CUBN: variants seen among roughly 807,000 people sequenced by gnomAD.
CUBN encodes the protein cubilin, also known as 460 kDa receptor.
In CUBN, 282 loss-of-function variants were observed where a neutral mutation model predicts 405.3. That is an observed-to-expected ratio of 0.70 (90% CI 0.63 to 0.77). The LOEUF (loss-of-function observed/expected upper bound fraction) is 0.77. CUBN is among the 30% of genes least tolerant of loss of function. The pLI is 0.00. For synonymous variants in CUBN, 1,684 were observed against 1,617.0 expected (o/e 1.04, Z -0.99); for missense variants, 4,514 against 4,475.2 (o/e 1.01, Z -0.25).
At chr10:17,087,472 C>CT (rs775573918) in intron 15 of CUBN, among the ~76,000 whole-genome samples, 1,969 of 71,620 alleles carry the variant, frequency 0.027, 95 homozygotes, top group Admixed American at 0.075. Flanking sequence ...TTTTCTTTTT[C>CT]TTTTTTTTTT....
intron 8 of CUBN, among the ~76,000 whole-genome samples, chr10:17,111,698 C>A (rs1181921596): frequency 1.3e-5 from 2 of 152,082 alleles, no homozygotes; most frequent in Admixed American, 6.5e-5. Context: ...CCGAGGTGGG[C>A]AGATCACCTG....
chr10:16,945,059 T>C (rs1457485209), intron 36 of CUBN, among the ~76,000 whole-genome samples: 1 of 152,182 alleles, frequency 6.6e-6, no homozygotes, highest in Non-Finnish European at 1.5e-5. Context: ...TGAATTTAAT[T>C]AAATAGCTTC....
chr10:17,023,936 A>T (rs1834579369), intron 27 of CUBN, among the ~76,000 whole-genome samples: 3 of 152,110 alleles, frequency 2.0e-5, no homozygotes, highest in Non-Finnish European at 2.9e-5. Flanking sequence ...TTATTCTCTT[A>T]AAGAGATTAT....
At chr10:17,105,613 T>G (rs1175565007) in intron 10 of CUBN, 38 bp from the exon 11 acceptor site, 1 of 1,128,918 alleles carries the variant, frequency 8.9e-7, no homozygotes, top group Non-Finnish European at 1.3e-6. Flanking sequence ...AATACAGGTC[T>G]CCTCCTCTGT....
At chr10:16,951,822 C>T (rs3847364) in intron 33 of CUBN, among the ~76,000 whole-genome samples, 63,552 of 152,010 alleles carry the variant, frequency 0.42, 13,564 homozygotes, top group South Asian at 0.5. Context: ...TGCATTCTGG[C>T]CCGTGAGTCA....
chr10:16,916,722 A>G (rs1325984044), intron 45 of CUBN, among the ~76,000 whole-genome samples: 3 of 152,126 alleles, frequency 2.0e-5, no homozygotes, highest in Non-Finnish European at 4.4e-5. Context: ...TATTGTGACC[A>G]TATTATAGTG....
chr10:16,841,397 T>G (rs1253116723), intron 60 of CUBN, among the ~76,000 whole-genome samples: 2 of 152,132 alleles, frequency 1.3e-5, no homozygotes, highest in South Asian at 4.1e-4. Context: ...CAGCCTCCCA[T>G]GAAGCCCCTG....
chr10:16,976,238 C>CA (rs1833089434), intron 31 of CUBN, among the ~76,000 whole-genome samples: 1 of 152,118 alleles, frequency 6.6e-6, no homozygotes, highest in South Asian at 2.1e-4. Flanking sequence ...TCCCAAAGTG[C>CA]TGAAATTACA....
At chr10:16,981,020 G>A (rs943217663) in intron 31 of CUBN, among the ~76,000 whole-genome samples, 1 of 152,034 alleles carries the variant, frequency 6.6e-6, no homozygotes, top group Non-Finnish European at 1.5e-5. Flanking sequence ...GAAAATGCTT[G>A]GTAGAAGAGG....
In CUBN at chr10:17,110,992, G is replaced by A. The variant is rs981250713; in HGVS notation, c.942C>T (p.Gly314=). ...EDINECEINN[G]GCSVAPPVEC... is the part of the protein sequence containing the mutation. ...CAACGGGTGGAGCCACAGAACAGCC[G>A]CCGTTATTTATCTCACATTCATTGA... Residue 314 remains glycine, a synonymous_variant, in exon 9 of 67, where the codon GGC becomes GGT. Transcript: ENST00000377833. 4.3e-6 allele frequency: 7 copies of A among 1,613,966 alleles called. No individual in the cohort carries two copies. In the Admixed American group the frequency reaches 5.0e-5, roughly 12 times the overall value.
At chr10:16,878,314 T>C (rs2131379738) in intron 56 of CUBN, among the ~76,000 whole-genome samples, 1 of 152,218 alleles carries the variant, frequency 6.6e-6, no homozygotes, top group South Asian at 2.1e-4. Flanking sequence ...TATATTATTA[T>C]GAAAGGAAAG....
chr10:17,105,367 T>A (rs1290676557), intron 11 of CUBN, 90 bp downstream of exon 11: 4 of 828,974 alleles, frequency 4.8e-6, no homozygotes, highest in African/African-American at 3.3e-5. Flanking sequence ...CTCATTATCT[T>A]GACATTCCTG....
At chr10:16,858,208 T>G (rs1839914246) in intron 59 of CUBN, among the ~76,000 whole-genome samples, 1 of 152,218 alleles carries the variant, frequency 6.6e-6, no homozygotes, top group Non-Finnish European at 1.5e-5. Flanking sequence ...AAACTCAACA[T>G]AGTAAAGACA....
At chr10:16,907,738 G>T in intron 48 of CUBN, 59 bp from the exon 49 acceptor site, 1 of 1,576,450 alleles carries the variant, frequency 6.3e-7, no homozygotes. Context: ...ATATTTCCTA[G>T]GAGGTGATAT....
chr10:16,897,123 T>C (rs1019397659), intron 54 of CUBN, among the ~76,000 whole-genome samples: 3 of 152,238 alleles, frequency 2.0e-5, no homozygotes, highest in Non-Finnish European at 4.4e-5. Context: ...CCTTGTCATA[T>C]ATTTCAACAT....
intron 22 of CUBN, among the ~76,000 whole-genome samples, chr10:17,052,758 TCAA>T (rs1167089375): frequency 3.3e-5 from 1 of 30,528 alleles, no homozygotes; most frequent in African/African-American, 1.6e-4. Context: ...AGACTCAGTC[TCAA>T]AAAAAAAAAA....
At chr10:17,039,155 G>T (rs746811029) in intron 27 of CUBN, among the ~76,000 whole-genome samples, 1 of 152,118 alleles carries the variant, frequency 6.6e-6, no homozygotes, top group East Asian at 1.9e-4. Flanking sequence ...TCTCCATTAC[G>T]CTTTACCAAA....
At position 16,950,007 on chromosome 10, in the gene CUBN, G is replaced by C. The variant is rs748805192; in HGVS notation, c.5074C>G (p.Leu1692Val). 1 of 1,612,624 alleles carries C rather than the reference G, an allele frequency of 6.2e-7. No individual in the cohort carries two copies. Among genetic ancestry groups the C allele is most frequent in the Non-Finnish European group, 8.5e-7 (1 of 1,178,898 alleles). Reference protein sequence around the residue: ...ILDGGHEDAPLRGRYCGTDMP... With the variant: ...ILDGGHEDAPVRGRYCGTDMP... ...TGAGTGAACGCTGAGGTACCTCGGAGGGGCGCGTCTTCGTGGCCGCCATCC... is the reference window on the plus strand; with the variant it reads ...TGAGTGAACGCTGAGGTACCTCGGACGGGCGCGTCTTCGTGGCCGCCATCC... Residue 1692 changes from leucine (L) to valine (V), a missense_variant, in exon 34 of 67, where the codon CTC becomes GTC. Transcript: ENST00000377833.
chr10:17,017,658 A>C (rs1023014252), intron 28 of CUBN, among the ~76,000 whole-genome samples: 10 of 152,268 alleles, frequency 6.6e-5, no homozygotes, highest in African/African-American at 2.4e-4. Context: ...GGGATCCTAA[A>C]ATTCCAGATA....
Sources: allele counts gnomAD v4.1 joint callset (sites outside exome capture counted in the v4.1 genomes callset), GRCh38; gene constraint gnomAD v4.1.1; transcripts MANE v1.5; gene names NCBI Gene and HGNC (gene_info 2026-07-23, HGNC 2026-07-21).